VAV3: variants seen among roughly 807,000 people sequenced by gnomAD.
The protein encoded by VAV3 is guanine nucleotide exchange factor VAV3.
A neutral mutation model predicts 131.2 loss-of-function variants in VAV3; 94 were observed. The observed-to-expected ratio is 0.72, with a 90% CI of 0.61 to 0.85. VAV3 has a LOEUF of 0.85. Ranked by LOEUF, VAV3 falls within the 40% of genes least tolerant of loss-of-function variation. VAV3 has a pLI of 0.00. For missense variants in VAV3, 939 were observed against 1,002.7 expected, an observed-to-expected ratio of 0.94 and a Z score of 0.86; for synonymous variants, 349 against 342.0, an observed-to-expected ratio of 1.02 and a Z score of -0.22.
chr1:107,828,397 C>T (rs1668106062), intron 2 of VAV3, among the ~76,000 whole-genome samples: 1 of 152,136 alleles, frequency 6.6e-6, no homozygotes, highest in South Asian at 2.1e-4. Flanking sequence ...ACTGCTGTAA[C>T]AAATTACCAC....
chr1:107,662,750 G>A (rs1206054198), intron 19 of VAV3, among the ~76,000 whole-genome samples: 2 of 152,176 alleles, frequency 1.3e-5, no homozygotes, highest in African/African-American at 2.4e-5. Context: ...CACTTTCTGT[G>A]GGCCTAATGG....
chr1:107,846,926 T>A (rs184351159), intron 2 of VAV3, among the ~76,000 whole-genome samples: 1 of 152,176 alleles, frequency 6.6e-6, no homozygotes, highest in South Asian at 2.1e-4. Flanking sequence ...CTGGACCTAA[T>A]AGACATCTAC....
intron 19 of VAV3, among the ~76,000 whole-genome samples, chr1:107,659,885 C>T (rs761253180): frequency 1.3e-5 from 2 of 152,026 alleles, no homozygotes; most frequent in African/African-American, 2.4e-5. Flanking sequence ...TAAACTAGAC[C>T]TTTTCCATCC....
At chr1:107,683,250 A>G (rs1344882384) in intron 19 of VAV3, among the ~76,000 whole-genome samples, 1 of 152,228 alleles carries the variant, frequency 6.6e-6, no homozygotes, top group Non-Finnish European at 1.5e-5. Context: ...GAGGCTGTTC[A>G]GTAAGCAAAT....
intron 15 of VAV3, among the ~76,000 whole-genome samples, chr1:107,724,106 A>G (rs1318123661): frequency 2.0e-5 from 3 of 151,966 alleles, no homozygotes; most frequent in African/African-American, 7.2e-5. Flanking sequence ...ATGAAGAACA[A>G]CAGCAACATT....
chr1:107,864,387 TG>T (rs1669882787), intron 2 of VAV3, among the ~76,000 whole-genome samples: 1 of 152,094 alleles, frequency 6.6e-6, no homozygotes, highest in South Asian at 2.1e-4. Context: ...TTTGGGAGGC[TG>T]AGGTGGGTGG....
intron 7 of VAV3, among the ~76,000 whole-genome samples, chr1:107,767,636 A>G (rs190669984): frequency 6.6e-6 from 1 of 152,244 alleles, no homozygotes; most frequent in Admixed American, 6.5e-5. Context: ...ATCAAAACAC[A>G]AAGAACTGTT....
intron 19 of VAV3, among the ~76,000 whole-genome samples, chr1:107,677,354 A>G (rs1417001949): frequency 2.0e-5 from 3 of 152,168 alleles, no homozygotes; most frequent in African/African-American, 7.2e-5. Flanking sequence ...CTTTCATTTA[A>G]GTTACTTCAG....
At chr1:107,592,056 C>CGT (rs35290300) in intron 25 of VAV3, among the ~76,000 whole-genome samples, 8,039 of 148,738 alleles carry the variant, frequency 0.054, 218 homozygotes, top group Middle Eastern at 0.089. Context: ...TATATACATA[C>CGT]GTGTGTGTGT....
At chr1:107,875,094 G>A (rs1157800774) in intron 1 of VAV3, 77 bp from the exon 2 acceptor site, 26 of 1,232,494 alleles carry the variant, frequency 2.1e-5, no homozygotes, top group Non-Finnish European at 2.8e-5. Context: ...ACTCAAGACT[G>A]CTCTAAAAAT....
intron 21 of VAV3, 73 bp downstream of exon 21, chr1:107,617,494 T>C (rs1653248490): frequency 1.5e-6 from 2 of 1,362,946 alleles, no homozygotes; most frequent in Middle Eastern, 1.9e-4. Context: ...GTATCCTTTG[T>C]AGATTTTTGC....
chr1:107,646,458 T>C (rs1464653091), intron 19 of VAV3, among the ~76,000 whole-genome samples: 1 of 152,084 alleles, frequency 6.6e-6, no homozygotes, highest in East Asian at 1.9e-4. Context: ...TAATCACATG[T>C]ACTTTCACCA....
intron 2 of VAV3, among the ~76,000 whole-genome samples, chr1:107,786,926 G>A (rs544503437): frequency 2.2e-4 from 33 of 152,176 alleles, no homozygotes; most frequent in African/African-American, 7.5e-4. Context: ...AGATCCCTTT[G>A]AGAGTATGAT....
chr1:107,614,724 C>T (rs181707464), intron 21 of VAV3, among the ~76,000 whole-genome samples: 103 of 152,202 alleles, frequency 6.8e-4, no homozygotes, highest in Admixed American at 6.6e-3. Flanking sequence ...TAGGGACTTG[C>T]ATTTGCTTTT....
At chr1:107,589,917 A>G (rs1379943407) in intron 25 of VAV3, among the ~76,000 whole-genome samples, 1 of 152,230 alleles carries the variant, frequency 6.6e-6, no homozygotes, top group Non-Finnish European at 1.5e-5. Context: ...ATTATCAGGA[A>G]TAAGAATGCT....
intron 22 of VAV3, among the ~76,000 whole-genome samples, chr1:107,608,159 CTGGTCA>C (rs75335758): frequency 0.36 from 53,947 of 151,780 alleles, 9,888 homozygotes; most frequent in Middle Eastern, 0.42. Context: ...ATTATTCTAA[CTGGTCA>C]TATTTTCAGT....
rs572567010 is a variant in VAV3, at chr1:107,709,628, G to A, written c.1503-4567C>T. 3.5e-4 allele frequency among the ~76,000 whole-genome samples: 54 copies of A among 152,244 alleles called. No individual in the cohort carries two copies. The South Asian group carries it at 7.1e-3, about 20-fold the overall frequency. On this transcript the variant is annotated intron_variant, in intron 15 of 26. Transcript: ENST00000370056. ...GTAGTTCCAATAATCCCCACGTGTC[G>A]TGAGAGGGACCAGGTGGAGATAACT...
intron 1 of VAV3, among the ~76,000 whole-genome samples, chr1:107,902,109 A>T (rs920899863): frequency 2.0e-5 from 3 of 151,746 alleles, no homozygotes; most frequent in Admixed American, 6.6e-5. Context: ...ATAAAAAAAT[A>T]AAAAAAAATT....
chr1:107,836,333 T>C (rs1571019943), intron 2 of VAV3, among the ~76,000 whole-genome samples: 1 of 152,108 alleles, frequency 6.6e-6, no homozygotes, highest in African/African-American at 2.4e-5. Context: ...GATTTTAAGG[T>C]AAACAACAAA....
Sources: gnomAD v4.1 joint callset for allele counts (sites outside exome capture counted in the v4.1 genomes callset) on GRCh38, gnomAD v4.1.1 for gene constraint, MANE v1.5 for transcripts, NCBI Gene and HGNC (gene_info 2026-07-23, HGNC 2026-07-21) for gene names.